The following MYO9A variants were observed in gnomAD, a reference collection of about 807,000 sequenced individuals.
The protein encoded by MYO9A is myosin IXA.
In MYO9A, 103 loss-of-function variants were observed where a neutral mutation model predicts 293.3. The observed-to-expected ratio is 0.35, with a 90% confidence interval of 0.30 to 0.41. The LOEUF (loss-of-function observed/expected upper bound fraction) is 0.41, where lower values mean the gene tolerates loss of function less well. MYO9A is among the 10% of genes least tolerant of loss of function. MYO9A has a pLI of 1.00. For synonymous variants in MYO9A, 1,001 were observed against 1,035.7 expected (o/e 0.97, Z 0.64); for missense variants, 2,685 against 3,033.0 (o/e 0.89, Z 2.69).
intron 1 of MYO9A, among the ~76,000 whole-genome samples, chr15:72,052,090 G>A (rs1417875941): frequency 1.3e-5 from 2 of 152,198 alleles, no homozygotes; most frequent in Non-Finnish European, 2.9e-5. Context: ...CCACCTGCCA[G>A]TTGCAGAGAA....
intron 14 of MYO9A, among the ~76,000 whole-genome samples, chr15:71,955,130 T>TC (rs1491135530): frequency 8.3e-4 from 115 of 138,556 alleles, no homozygotes; most frequent in African/African-American, 3.0e-3. Flanking sequence ...ATTTATTACC[T>TC]TTTTTTTTTT....
chr15:72,073,990 C>G (rs2079270307), intron 1 of MYO9A, among the ~76,000 whole-genome samples: 1 of 152,126 alleles, frequency 6.6e-6, no homozygotes. Context: ...TCTTACAGGT[C>G]ATATGGTCTC....
At position 71,875,800 on chromosome 15, in the gene MYO9A, T is replaced by C; in HGVS notation, c.5970A>G (p.Glu1990=). 2 of 1,368,428 alleles carry C rather than the reference T, an allele frequency of 1.5e-6. No homozygotes were observed. The highest frequency in any genetic ancestry group is 2.9e-5 in the East Asian group (1 of 34,908). 84.8% of individuals were successfully genotyped at this position (1,368,428 alleles called of 1,614,324 possible). The change falls in exon 32 of 42, where the codon GAA becomes GAG. Residue 1990 remains glutamate (E), a synonymous_variant. Transcript: ENST00000356056. ...KTERKKRRKK[E]TDLVEEHNGH... ...ACAGATTATAACTTACCAAATCAGT[T>C]TCCTTTTTCCTTCTTTTCTTTCTTT...
intron 11 of MYO9A, among the ~76,000 whole-genome samples, chr15:71,981,794 C>G (rs2076279619): frequency 6.6e-6 from 1 of 151,834 alleles, no homozygotes; most frequent in Admixed American, 6.6e-5. Flanking sequence ...TCTTTTATCT[C>G]TATTATTTCA....
At chr15:71,874,284 A>G (rs1317849219) in intron 32 of MYO9A, among the ~76,000 whole-genome samples, 2 of 152,208 alleles carry the variant, frequency 1.3e-5, no homozygotes. Flanking sequence ...ATATTCTACA[A>G]TTAGAATTTG....
chr15:71,827,957 C>T lies in MYO9A; in HGVS notation c.7110G>A (p.Glu2370=). The change falls in exon 41 of 42, where the codon GAG becomes GAA. Residue 2370 remains glutamate (E), a synonymous_variant. Transcript: ENST00000356056. The part of the protein sequence containing the change: ...RASDDETLES[E]ASIGTADSSE... ...AGCTATCAGCAGTCCCAATGGAGGC[C>T]TCAGACTCAAGGGTTTCATCATCAG... 2 of 1,613,840 alleles carry T rather than the reference C, an allele frequency of 1.2e-6. No homozygotes were observed. The highest frequency in any genetic ancestry group is 1.7e-6 in the Non-Finnish European group (2 of 1,179,844).
chr15:72,040,136 G>C (rs993901249), intron 2 of MYO9A: 1 of 152,776 alleles, frequency 6.5e-6, no homozygotes, highest in East Asian at 1.9e-4. Context: ...ATCCAACTAG[G>C]AGCCTCGGAC....
Position 71,959,976 on chromosome 15 carries a change from C to T in MYO9A, c.2107G>A (p.Ala703Thr), listed in dbSNP as rs867160801. 1.2e-6 allele frequency: 2 copies of T among 1,613,998 alleles called. No homozygotes were observed. Among genetic ancestry groups the T allele is most frequent in the East Asian group, 2.2e-5 (1 of 44,886 alleles). ...GCTCTGAAAAAAGCTCGGAGAATTG[C>T]CCATCGGAAAACAGCTACAGGATCA... ...GIDPVAVFRW[A>T]ILRAFFRAMV... Residue 703 changes from alanine (A) to threonine (T), a missense_variant, in exon 14 of 42, where the codon GCA (alanine) becomes ACA (threonine). By Grantham distance (58) the Ala-to-Thr change is moderately conservative. Around this residue, in one of 10 missense-constraint regions of MYO9A, gnomAD observed 201 missense variants for 245.2 expected, o/e 0.82. Transcript: ENST00000356056.
chr15:72,021,702 T>C (rs981390033), intron 4 of MYO9A, among the ~76,000 whole-genome samples: 1 of 152,086 alleles, frequency 6.6e-6, no homozygotes, highest in African/African-American at 2.4e-5. Context: ...TGGATCAAAG[T>C]TGGGGCAAAC....
At position 71,934,187 on chromosome 15, in the gene MYO9A, A is replaced by C. The variant is rs373239508; in HGVS notation, c.2523-478T>G. ...TTATTCAAACCTCAATACCATACTT[A>C]AATCAAGTCTTTTTAATTTATTTTT... On this transcript the variant is annotated intron_variant, in intron 17 of 41. Coordinates refer to ENST00000356056, the MANE Select transcript of MYO9A (RefSeq NM_006901.4). Among the ~76,000 whole-genome samples, 10 of 152,134 alleles carry C rather than the reference A, an allele frequency of 6.6e-5. No individual in the cohort carries two copies. The East Asian group carries it at 1.2e-3, about 18-fold the overall frequency.
At chr15:72,102,024 A>G (rs1416596038) in intron 1 of MYO9A, among the ~76,000 whole-genome samples, 1 of 151,234 alleles carries the variant, frequency 6.6e-6, no homozygotes, top group Non-Finnish European at 1.5e-5. Context: ...CAGGATGACA[A>G]TGGCGGCTTT....
chr15:71,939,176 G>C (rs950575979), intron 15 of MYO9A, among the ~76,000 whole-genome samples: 4 of 151,916 alleles, frequency 2.6e-5, no homozygotes, highest in African/African-American at 9.7e-5. Context: ...AAAATACAAG[G>C]GTGACTGGAC....
intron 11 of MYO9A, 100 bp downstream of exon 11, chr15:71,991,003 A>G (rs1252106157): frequency 2.6e-6 from 3 of 1,147,240 alleles, no homozygotes; most frequent in Non-Finnish European, 3.5e-6. Context: ...AACACTATGT[A>G]AATCAATAAA....
At chr15:71,849,757 G>C (rs2055555251) in intron 38 of MYO9A, among the ~76,000 whole-genome samples, 1 of 151,802 alleles carries the variant, frequency 6.6e-6, no homozygotes, top group Non-Finnish European at 1.5e-5. Context: ...GATACTAAGT[G>C]TCCATAATTT....
chr15:71,999,880 T>C lies in MYO9A; in HGVS notation c.1441A>G (p.Lys481Glu). 2 of 1,612,266 alleles carry C rather than the reference T, an allele frequency of 1.2e-6. No homozygotes were observed. Among genetic ancestry groups the C allele is most frequent in the Non-Finnish European group, 1.7e-6 (2 of 1,179,292 alleles). Residue 481 changes from lysine to glutamate, a missense_variant, in exon 9 of 42, where the codon AAG (lysine) becomes GAG (glutamate). Physicochemically the swap from Lys to Glu is moderately conservative, Grantham distance 56. Around this residue, in one of 10 missense-constraint regions of MYO9A, gnomAD observed 289 missense variants for 456.8 expected, o/e 0.63. Transcript: ENST00000356056. ...VTRKTVTVGE[K>E]LILPYKLAEA... is the part of the protein sequence containing the mutation. ...GCCAACTTGTATGGCAAAATAAGCT[T>C]TTCTCCCACTGTCACCGTCTTCCTT... is the stretch of plus-strand genomic sequence containing the variant.
At chr15:71,998,659 T>C (rs1034927989) in intron 9 of MYO9A, among the ~76,000 whole-genome samples, 6 of 151,260 alleles carry the variant, frequency 4.0e-5, no homozygotes, top group Non-Finnish European at 8.8e-5. Context: ...ACATGTGCCA[T>C]GCTGGCGTGT....
chr15:71,986,672 A>T (rs965096747), intron 11 of MYO9A, among the ~76,000 whole-genome samples: 9 of 152,350 alleles, frequency 5.9e-5, no homozygotes, highest in African/African-American at 2.2e-4. Flanking sequence ...GTTTTAAAAA[A>T]TTTTAATAGA....
chr15:71,987,891 GCAC>G (rs1378990278), intron 11 of MYO9A, among the ~76,000 whole-genome samples: 1 of 152,068 alleles, frequency 6.6e-6, no homozygotes, highest in Non-Finnish European at 1.5e-5. Flanking sequence ...ATCCATAATT[GCAC>G]CACATTGCCC....
intron 1 of MYO9A, among the ~76,000 whole-genome samples, chr15:72,101,113 G>A (rs2080289899): frequency 4.2e-5 from 6 of 142,170 alleles, no homozygotes; most frequent in Middle Eastern, 4.8e-3. Flanking sequence ...CCGGGAGGGA[G>A]GTCGGGGCAT....
Sources: allele counts gnomAD v4.1 joint callset (sites outside exome capture counted in the v4.1 genomes callset), GRCh38; gene constraint gnomAD v4.1.1; regional missense constraint gnomAD v4.1.1; transcripts MANE v1.5; gene names NCBI Gene and HGNC (gene_info 2026-07-23, HGNC 2026-07-21).